Variants in LETM1 observed in about 807,000 individuals in gnomAD.
LETM1 encodes the protein mitochondrial proton/calcium exchanger protein.
Under a neutral mutation model 74.5 loss-of-function variants are expected in LETM1, and 50 were observed. The observed-to-expected ratio is 0.67, with a 90% CI of 0.53 to 0.85. The LOEUF (loss-of-function observed/expected upper bound fraction) is 0.85, where lower values mean the gene tolerates loss of function less well. Among genes scored for constraint, LETM1 ranks in the 40% least tolerant of loss-of-function variants. The pLI is 0.00. For missense variants in LETM1, 824 were observed against 967.8 expected, an observed-to-expected ratio of 0.85 and a Z score of 1.97; for synonymous variants, 446 against 407.1, an observed-to-expected ratio of 1.10 and a Z score of -1.15.
chr4:1,815,003 C>T (rs1431442417), intron 13 of LETM1, among the ~76,000 whole-genome samples: 2 of 152,220 alleles, frequency 1.3e-5, no homozygotes, highest in African/African-American at 4.8e-5. Context: ...AAGAAACCAG[C>T]CAACACTTCT....
intron 4 of LETM1, 40 bp from the exon 5 acceptor site, chr4:1,835,022 A>G (rs771434799): frequency 6.3e-7 from 1 of 1,597,162 alleles, no homozygotes; most frequent in African/African-American, 1.3e-5. Flanking sequence ...AACTGCTCAG[A>G]CTGTGGTTCG....
intron 13 of LETM1, 65 bp from the exon 14 acceptor site, chr4:1,814,638 G>A: frequency 1.4e-6 from 2 of 1,460,706 alleles, no homozygotes; most frequent in Non-Finnish European, 1.9e-6. Context: ...GGCAGAGGCG[G>A]GGCCAGCGCC....
chr4:1,828,645 C>T (rs1483243635), intron 6 of LETM1, among the ~76,000 whole-genome samples: 4 of 136,158 alleles, frequency 2.9e-5, no homozygotes, highest in African/African-American at 1.2e-4. Context: ...GCAGAGGCGC[C>T]CCCCACCTCC....
chr4:1,845,075 A>G (rs1712836518), intron 2 of LETM1, among the ~76,000 whole-genome samples: 1 of 151,858 alleles, frequency 6.6e-6, no homozygotes, highest in Admixed American at 6.6e-5. Flanking sequence ...CTATCATCTC[A>G]GCTACTCGGG....
chr4:1,822,127 A>G lies in LETM1; in HGVS notation c.1608+54T>C, dbSNP rs1276844888. The G allele has an allele frequency of 7.4e-6, 10 of 1,348,916 alleles. No homozygotes were observed. In the African/African-American group the frequency reaches 1.2e-4, roughly 16 times the overall value. 83.6% of individuals were successfully genotyped at this position (1,348,916 alleles called of 1,614,324 possible). ...CCATCCCTGCCCCACAACTGTCCAC[A>G]AAGCCAGGCCATGCCCTCCTCAGCC... On this transcript the variant is annotated intron_variant, in intron 10 of 13. Coordinates refer to ENST00000302787, the MANE Select transcript of LETM1 (RefSeq NM_012318.3).
intron 6 of LETM1, among the ~76,000 whole-genome samples, chr4:1,827,869 G>C (rs1416914959): frequency 6.8e-6 from 1 of 147,764 alleles, no homozygotes; most frequent in African/African-American, 2.7e-5. Flanking sequence ...GGGCGGCCGG[G>C]CAGAGGCGCC....
chr4:1,823,593 C>T (rs767403118), intron 8 of LETM1, 51 bp downstream of exon 8: 11 of 1,607,258 alleles, frequency 6.8e-6, no homozygotes, highest in Middle Eastern at 2.2e-4. Flanking sequence ...CCCAGAAGAG[C>T]GGAGCCACCT....
chr4:1,855,774 G>T (rs1239954134), intron 1 of LETM1, 95 bp downstream of exon 1: 1 of 746,018 alleles, frequency 1.3e-6, no homozygotes, highest in Non-Finnish European at 1.8e-6. Flanking sequence ...CGGGCTCCCC[G>T]CATCGCCGTG....
intron 13 of LETM1, among the ~76,000 whole-genome samples, 190 bp downstream of exon 13, chr4:1,815,474 T>C (rs1192681146): frequency 6.6e-6 from 1 of 152,210 alleles, no homozygotes; most frequent in African/African-American, 2.4e-5. Context: ...GTAACTTCAA[T>C]AATTTCTCAC....
intron 7 of LETM1, among the ~76,000 whole-genome samples, chr4:1,824,387 G>C (rs1200977656): frequency 6.6e-6 from 1 of 152,194 alleles, no homozygotes; most frequent in Non-Finnish European, 1.5e-5. Context: ...CACTGAGGCC[G>C]GTCAGCACTC....
intron 2 of LETM1, among the ~76,000 whole-genome samples, chr4:1,843,798 T>C (rs1452432191): frequency 6.6e-6 from 1 of 152,140 alleles, no homozygotes; most frequent in African/African-American, 2.4e-5. Flanking sequence ...GGGTCACCTC[T>C]GAGCCAGGAA....
chr4:1,841,857 G>T, intron 2 of LETM1, 60 bp from the exon 3 acceptor site: 1 of 1,270,444 alleles, frequency 7.9e-7, no homozygotes, highest in Non-Finnish European at 1.1e-6. Context: ...TGACAGCTCA[G>T]CACCGAACAC....
intron 10 of LETM1, among the ~76,000 whole-genome samples, chr4:1,819,805 C>T (rs1031920846): frequency 4.6e-5 from 7 of 152,246 alleles, no homozygotes; most frequent in Non-Finnish European, 8.8e-5. Context: ...GACCCCCAGG[C>T]AACCTCAGGT....
At chr4:1,817,021 G>T in intron 11 of LETM1, 107 bp from the exon 12 acceptor site, 1 of 892,492 alleles carries the variant, frequency 1.1e-6, no homozygotes, top group Non-Finnish European at 1.7e-6. Flanking sequence ...CAAGGCGGGC[G>T]GATCACCTGA....
chr4:1,834,625 G>A lies in LETM1; in HGVS notation c.876+220C>T, dbSNP rs1386784266. 7.2e-7 allele frequency: 1 copy of A among 1,380,774 alleles called. No individual in the cohort carries two copies. Among genetic ancestry groups the A allele is most frequent in the African/African-American group, 1.5e-5 (1 of 68,488 alleles). 85.5% of individuals were successfully genotyped at this position (1,380,774 alleles called of 1,614,324 possible). A position where few individuals can be genotyped will look rare whatever the true frequency, so the allele number is the denominator to read the frequency against. ...ATGAGACACAGACGCCCATAATTCT[G>A]AAGGCTGACGAGGCGCAGCCACCAC... On this transcript the variant is annotated intron_variant, in intron 5 of 13. Transcript: ENST00000302787. This position sits in a 1 kb window ranked among gnomAD's most constrained non-coding sequence, Gnocchi z 5.0.
chr4:1,813,924 G>A lies in LETM1; in HGVS notation c.*500C>T, dbSNP rs1237188122. On this transcript the variant is annotated 3_prime_UTR_variant, in exon 14 of 14. Transcript: ENST00000302787. ...ACATCCAACTGAAAGTGTGCAGGAA[G>A]ACAGGTCTATTGACACTGAAATCTA... The A allele has an allele frequency of 6.0e-6, 1 of 167,798 alleles. No individual in the cohort carries two copies. The highest frequency in any genetic ancestry group is 2.4e-5 in the African/African-American group (1 of 41,986). The allele number at this position is 167,798 out of a possible 1,614,324, so 10.4% of individuals were successfully genotyped here.
chr4:1,825,999 C>T (rs1272800961), intron 6 of LETM1, among the ~76,000 whole-genome samples: 1 of 152,148 alleles, frequency 6.6e-6, no homozygotes, highest in Non-Finnish European at 1.5e-5. Flanking sequence ...AGTCCCCCAT[C>T]TGCCAAAGTG....
At position 1,856,048 on chromosome 4, in the gene LETM1, C is replaced by T. The variant is rs931326311; in HGVS notation, c.-98G>A. ...TCCCGGCGGCGCTTCAGACCCGGCCCGCGCGGACGGCTGACAGAGGCGGCT... is the reference window on the plus strand; with the variant it reads ...TCCCGGCGGCGCTTCAGACCCGGCCTGCGCGGACGGCTGACAGAGGCGGCT... On this transcript the variant is annotated 5_prime_UTR_variant, in exon 1 of 14. Transcript: ENST00000302787. 2 of 732,236 alleles carry T rather than the reference C, an allele frequency of 2.7e-6. No individual in the cohort carries two copies. The highest frequency in any genetic ancestry group is 1.9e-5 in the African/African-American group (1 of 53,762). 45.4% of individuals were successfully genotyped at this position (732,236 alleles called of 1,614,324 possible).
intron 7 of LETM1, among the ~76,000 whole-genome samples, chr4:1,824,858 G>A (rs1577313655): frequency 6.6e-6 from 1 of 152,394 alleles, no homozygotes; most frequent in South Asian, 2.1e-4. Flanking sequence ...AGACGCGGCT[G>A]TGGAAGGCAG....
Sources: allele counts gnomAD v4.1 joint callset (sites outside exome capture counted in the v4.1 genomes callset), GRCh38; gene constraint gnomAD v4.1.1; non-coding constraint Gnocchi (gnomAD v3.1); transcripts MANE v1.5; gene names NCBI Gene and HGNC (gene_info 2026-07-23, HGNC 2026-07-21).